SVBP: variants seen among roughly 807,000 people sequenced by gnomAD.
SVBP encodes the protein small vasohibin binding protein.
In SVBP, 9 loss-of-function variants were observed where a neutral mutation model predicts 9.2. The ratio of observed to expected loss-of-function variants is 0.98; its 90% CI spans 0.59 to 1.71. SVBP has a LOEUF of 1.71. Among genes scored for constraint, SVBP ranks in the 40% most tolerant of loss-of-function variants. The probability of loss-of-function intolerance (pLI) is 0.00; values close to 1 mark genes in which losing one functional copy is unlikely to be tolerated. For synonymous variants in SVBP, 27 were observed against 23.9 expected (o/e 1.13, Z -0.37); for missense variants, 63 against 73.2 (o/e 0.86, Z 0.51).
At chr1:42,811,021 C>G (rs1330903719) in intron 2 of SVBP, among the ~76,000 whole-genome samples, 2 of 152,112 alleles carry the variant, frequency 1.3e-5, no homozygotes, top group African/African-American at 4.8e-5. Context: ...TGCCTGTAAT[C>G]CCAGCTACTC....
At position 42,807,325 on chromosome 1, in the gene SVBP, C is replaced by T; in HGVS notation, c.*89G>A. ...TCCACAAATGTCTTCTGGTCTAGTT[C>T]TGTAAGGCTCCAAATGGGCCATCTC... On this transcript the variant is annotated 3_prime_UTR_variant, in exon 3 of 3. Coordinates refer to ENST00000372521, the MANE Select transcript of SVBP (RefSeq NM_199342.4). 1 of 892,854 alleles carries T rather than the reference C, an allele frequency of 1.1e-6. No individual in the cohort carries two copies. The highest frequency in any genetic ancestry group is 1.9e-6 in the Non-Finnish European group (1 of 533,098). The allele number at this position is 892,854 out of a possible 1,614,324, so 55.3% of individuals were successfully genotyped here. A position where few individuals can be genotyped will look rare whatever the true frequency, so the allele number is the denominator to read the frequency against.
chr1:42,807,534 T>A (rs1189732856), intron 2 of SVBP, 34 bp from the exon 3 acceptor site: 1 of 1,508,478 alleles, frequency 6.6e-7, no homozygotes, highest in African/African-American at 1.4e-5. Context: ...CTGTTAGCAA[T>A]GGAAGCAGCT....
At chr1:42,807,911 G>C (rs985264274) in intron 2 of SVBP, among the ~76,000 whole-genome samples, 2 of 151,946 alleles carry the variant, frequency 1.3e-5, no homozygotes, top group African/African-American at 4.8e-5. Context: ...CAGGTGGTGG[G>C]GGAGGCTTTA....
chr1:42,816,822 TAA>T (rs1161942039), intron 1 of SVBP: 2 of 370,282 alleles, frequency 5.4e-6, no homozygotes, highest in Non-Finnish European at 4.9e-6. Context: ...CAAAATGGGT[TAA>T]GTGTTTTCCT....
chr1:42,817,145 T>C (rs1483108503), intron 1 of SVBP, 45 bp downstream of exon 1: 4 of 1,188,638 alleles, frequency 3.4e-6, no homozygotes, highest in Non-Finnish European at 4.3e-6. Flanking sequence ...TGGAGGAAAA[T>C]GGCGGTCGCT....
At chr1:42,812,760 G>A (rs1444912742) in intron 2 of SVBP, among the ~76,000 whole-genome samples, 1 of 152,080 alleles carries the variant, frequency 6.6e-6, no homozygotes, top group Admixed American at 6.5e-5. Flanking sequence ...TGCAAAAGTA[G>A]TTGCAAGAAT....
intron 2 of SVBP, among the ~76,000 whole-genome samples, chr1:42,815,687 A>G (rs979654374): frequency 1.7e-4 from 26 of 152,296 alleles, no homozygotes; most frequent in African/African-American, 6.0e-4. Flanking sequence ...TAGTTCTAAA[A>G]AACAATGTAA....
intron 2 of SVBP, among the ~76,000 whole-genome samples, chr1:42,810,121 TACATACACACACACAC>T (rs1654049435): frequency 1.5e-5 from 2 of 137,764 alleles, no homozygotes; most frequent in Non-Finnish European, 3.1e-5. Context: ...CACACATACA[TACATACACACACACAC>T]ACACACACAC....
chr1:42,817,387 C>A lies in SVBP; in HGVS notation c.-234G>T. 1 of 468,504 alleles carries A rather than the reference C, an allele frequency of 2.1e-6. No individual in the cohort carries two copies. Among genetic ancestry groups the A allele is most frequent in the Non-Finnish European group, 3.0e-6 (1 of 338,862 alleles). 29.0% of individuals were successfully genotyped at this position (468,504 alleles called of 1,614,324 possible). A position where few individuals can be genotyped will look rare whatever the true frequency, so the allele number is the denominator to read the frequency against. On this transcript the variant is annotated 5_prime_UTR_variant, in exon 1 of 3. Transcript: ENST00000372521. ...AGGCTTCCGCCCGCAGGAGCGGCCGCGCGTGCGCAGAGAGGATGGCTGGAA... is the reference window on the plus strand; with the variant it reads ...AGGCTTCCGCCCGCAGGAGCGGCCGAGCGTGCGCAGAGAGGATGGCTGGAA...
At chr1:42,812,729 T>TA in intron 2 of SVBP, among the ~76,000 whole-genome samples, 1 of 152,378 alleles carries the variant, frequency 6.6e-6, no homozygotes, top group East Asian at 1.9e-4. Context: ...TTTCACATTT[T>TA]AAAACCTTTT....
chr1:42,816,728 T>C, intron 1 of SVBP, 148 bp from the exon 2 acceptor site: 1 of 547,628 alleles, frequency 1.8e-6, no homozygotes, highest in South Asian at 2.3e-5. Flanking sequence ...TGTGGGGGAG[T>C]AGGAACCGAG....
chr1:42,807,505 A>T lies in SVBP; in HGVS notation c.115-5T>A. On this transcript the variant is annotated splice_region_variant and splice_polypyrimidine_tract_variant and intron_variant, in intron 2 of 2. Coordinates refer to ENST00000372521, the MANE Select transcript of SVBP (RefSeq NM_199342.4). ...GACTCTGTTGAGGGCATAGATCTGA[A>T]TGAGAGAAAGAGATACATCTGTTAG... 6.2e-7 allele frequency: 1 copy of T among 1,609,826 alleles called. No individual in the cohort carries two copies.
chr1:42,813,638 C>T, intron 2 of SVBP: 1 of 528,690 alleles, frequency 1.9e-6, no homozygotes, highest in Non-Finnish European at 3.9e-6. Flanking sequence ...CACATATGGG[C>T]TGGCAACTGG....
Position 42,816,413 on chromosome 1 carries a change from C to A in SVBP, c.114+18G>T. On this transcript the variant is annotated intron_variant, in intron 2 of 2. Transcript: ENST00000372521. ...TCCAGCAGACTACAGGCATACAGAG[C>A]CTCCGCCTTAATCTCACCTCTGCTC... The A allele has an allele frequency of 6.5e-7, 1 of 1,545,432 alleles. No individual in the cohort carries two copies. The highest frequency in any genetic ancestry group is 8.9e-7 in the Non-Finnish European group (1 of 1,117,982).
At chr1:42,813,677 C>A in intron 2 of SVBP, 1 of 532,492 alleles carries the variant, frequency 1.9e-6, no homozygotes, top group Non-Finnish European at 3.8e-6. Flanking sequence ...ATTTGTTGTA[C>A]ACGGAAGTAT....
At chr1:42,811,246 C>T (rs1654078201) in intron 2 of SVBP, among the ~76,000 whole-genome samples, 1 of 152,204 alleles carries the variant, frequency 6.6e-6, no homozygotes, top group Non-Finnish European at 1.5e-5. Context: ...GTTTAGACCA[C>T]AGGCCTGCCC....
At position 42,808,166 on chromosome 1, in the gene SVBP, TATATATATATATAC is replaced by T. The variant is rs199994893; in HGVS notation, c.115-680_115-667del. ...GTGTGTGTGTATATATATATATATA[TATATATATATATAC>T]ATACTATGTATAGTATATATAGCTT... On this transcript the variant is annotated intron_variant, in intron 2 of 2. Coordinates refer to ENST00000372521, the MANE Select transcript of SVBP (RefSeq NM_199342.4). Among the ~76,000 whole-genome samples the T allele has an allele frequency of 5.2e-3, 687 of 131,224 alleles. 36 individuals carry two copies. The highest frequency in any genetic ancestry group is 0.02 in the African/African-American group (615 of 31,312). 86.1% of individuals were successfully genotyped at this position (131,224 alleles called of 152,430 possible).
At position 42,807,171 on chromosome 1, in the gene SVBP, A is replaced by ATTTT. The variant is rs753684731; in HGVS notation, c.*242_*243insAAAA. On this transcript the variant is annotated 3_prime_UTR_variant, in exon 3 of 3. Transcript: ENST00000372521. ...TGTGTGTGTTTTTTTTTTTTTTTTA[A>ATTTT]AAAAACCCAAAAAACAAAACCACTG... is the stretch of plus-strand genomic sequence containing the variant. The ATTTT allele has an allele frequency of 0.11, 24,785 of 225,808 alleles. 2,567 individuals are homozygous for ATTTT. The highest frequency in any genetic ancestry group is 0.17 in the Admixed American group (2,811 of 16,342). The allele number at this position is 225,808 out of a possible 1,614,324, so 14.0% of individuals were successfully genotyped here.
intron 2 of SVBP, among the ~76,000 whole-genome samples, chr1:42,815,491 G>C (rs1654180479): frequency 2.0e-5 from 3 of 151,302 alleles, no homozygotes; most frequent in Admixed American, 1.3e-4. Context: ...AAATTCTAAG[G>C]CAGGTGCCAA....
Sources: gnomAD v4.1 joint callset for allele counts (sites outside exome capture counted in the v4.1 genomes callset) on GRCh38, gnomAD v4.1.1 for gene constraint, MANE v1.5 for transcripts, NCBI Gene and HGNC (gene_info 2026-07-23, HGNC 2026-07-21) for gene names.